Variants in PTPRJ observed in about 807,000 individuals in gnomAD.
PTPRJ encodes the protein protein tyrosine phosphatase receptor type J.
In PTPRJ, 129 loss-of-function variants were observed where a neutral mutation model predicts 141.3. That is an observed-to-expected ratio of 0.91 (90% CI 0.79 to 1.06). The LOEUF is 1.06. Among genes scored for constraint, PTPRJ ranks in the 50% least tolerant of loss-of-function variants. The pLI, the probability that PTPRJ is intolerant of heterozygous loss-of-function variation, is 0.00. For missense variants in PTPRJ, 1,601 were observed against 1,679.7 expected (o/e 0.95, Z 0.82); for synonymous variants, 610 against 640.5 (o/e 0.95, Z 0.72).
At chr11:48,101,472 T>C (rs983234642) in intron 1 of PTPRJ, among the ~76,000 whole-genome samples, 1 of 152,224 alleles carries the variant, frequency 6.6e-6, no homozygotes, top group Non-Finnish European at 1.5e-5. Context: ...TGATCTTCCT[T>C]GTGAGCCTGT....
chr11:48,167,393 C>T lies in PTPRJ; in HGVS notation c.*31C>T. 1 of 1,604,696 alleles carries T rather than the reference C, an allele frequency of 6.2e-7. No homozygotes were observed. The stretch of plus-strand genomic sequence containing the variant: ...AAGGAATAACCTTTCTGGAGTGAAC[C>T]AGACCGTCGCACCCACAGCGAAGGC... On this transcript the variant is annotated 3_prime_UTR_variant, in exon 25 of 25. Transcript: ENST00000418331.
intron 1 of PTPRJ, among the ~76,000 whole-genome samples, chr11:48,028,859 C>G (rs919063998): frequency 3.3e-5 from 5 of 152,218 alleles, no homozygotes; most frequent in African/African-American, 1.2e-4. Flanking sequence ...CTGATTCAGC[C>G]TGTAGCCCAC....
chr11:48,028,945 G>C (rs564680058), intron 1 of PTPRJ, among the ~76,000 whole-genome samples: 144 of 152,338 alleles, frequency 9.5e-4, no homozygotes, highest in Non-Finnish European at 1.7e-3. Flanking sequence ...GAAAATGAAA[G>C]ATGGTTTGGA....
At chr11:48,135,992 G>C in intron 8 of PTPRJ, 47 bp from the exon 9 acceptor site, 1 of 1,587,092 alleles carries the variant, frequency 6.3e-7, no homozygotes, top group South Asian at 1.1e-5. Flanking sequence ...GAAGCTGGGC[G>C]TCATGATAGT....
At chr11:48,040,609 C>CTTTTTTTTTTTTT (rs371103069) in intron 1 of PTPRJ, among the ~76,000 whole-genome samples, 1 of 146,042 alleles carries the variant, frequency 6.8e-6, no homozygotes, top group African/African-American at 2.7e-5. Context: ...TCTTCTTCTT[C>CTTTTTTTTTTTTT]TTCTTTTTTT....
intron 1 of PTPRJ, among the ~76,000 whole-genome samples, chr11:48,017,091 G>T (rs1205184274): frequency 6.6e-6 from 1 of 151,996 alleles, no homozygotes; most frequent in Non-Finnish European, 1.5e-5. Context: ...TGGAAACAGG[G>T]GGTTCAAAAA....
chr11:48,129,614 C>T lies in PTPRJ; in HGVS notation c.1358-845C>T, dbSNP rs1444860344. 2.6e-5 allele frequency among the ~76,000 whole-genome samples: 4 copies of T among 152,192 alleles called. No homozygotes were observed. In the East Asian group the frequency reaches 5.8e-4, roughly 22 times the overall value. On this transcript the variant is annotated intron_variant, in intron 7 of 24. Coordinates refer to ENST00000418331, the MANE Select transcript of PTPRJ (RefSeq NM_002843.4). The stretch of plus-strand genomic sequence containing the variant: ...TTGAGGAGCAGGCTTTAGGCCTCGC[C>T]CCAAGAAATGACTCCTGGACTAAGT...
In PTPRJ at chr11:48,158,780, C is replaced by T. The variant is rs1857675338; in HGVS notation, c.3439-1150C>T. ...AACAGCCTGGGCAACATAGTGAGACCCCCATCTCTACAAAAATACAAAATA... is the reference window on the plus strand; with the variant it reads ...AACAGCCTGGGCAACATAGTGAGACTCCCATCTCTACAAAAATACAAAATA... On this transcript the variant is annotated intron_variant, in intron 21 of 24. Transcript: ENST00000418331. The surrounding 1 kb of genome is among the most constrained non-coding windows in gnomAD (Gnocchi z 4.4). Among the ~76,000 whole-genome samples, 1 of 151,930 alleles carries T rather than the reference C, an allele frequency of 6.6e-6. No homozygotes were observed. The highest frequency in any genetic ancestry group is 2.1e-4 in the South Asian group (1 of 4,808).
At chr11:47,986,619 C>A (rs1854057405) in intron 1 of PTPRJ, among the ~76,000 whole-genome samples, 1 of 152,194 alleles carries the variant, frequency 6.6e-6, no homozygotes, top group African/African-American at 2.4e-5. Context: ...CGGGTTCAAG[C>A]AATTCTACTG....
intron 1 of PTPRJ, among the ~76,000 whole-genome samples, chr11:48,025,362 G>A (rs1853779113): frequency 6.6e-6 from 1 of 152,172 alleles, no homozygotes; most frequent in Non-Finnish European, 1.5e-5. Flanking sequence ...CAGGTTAAGT[G>A]ATGTCCCCTA....
chr11:48,136,289 G>A lies in PTPRJ; in HGVS notation c.1866G>A (p.Gln622=), dbSNP rs1188097652. The part of the protein sequence containing the change: ...HVWGDPNSTA[Q]YTRPSNVSNI... ...GGGGGGACCCCAACTCCACTGCACA[G>A]TACACACGTAAGTCTCTTAGGATGC... Residue 622 remains glutamine (Q), a synonymous_variant, in exon 9 of 25, where the codon CAG becomes CAA. Coordinates refer to ENST00000418331, the MANE Select transcript of PTPRJ (RefSeq NM_002843.4). The A allele has an allele frequency of 1.9e-6, 3 of 1,613,958 alleles. No individual in the cohort carries two copies. Among genetic ancestry groups the A allele is most frequent in the Non-Finnish European group, 2.5e-6 (3 of 1,179,950 alleles).
chr11:48,074,973 G>A (rs571454118), intron 1 of PTPRJ, among the ~76,000 whole-genome samples: 2 of 152,224 alleles, frequency 1.3e-5, no homozygotes, highest in South Asian at 4.2e-4. Flanking sequence ...ATGGCTGTCA[G>A]TCGTTTGGCC....
chr11:48,044,321 A>C (rs1005110778), intron 1 of PTPRJ, among the ~76,000 whole-genome samples: 5 of 152,190 alleles, frequency 3.3e-5, no homozygotes, highest in Non-Finnish European at 5.9e-5. Flanking sequence ...ATGTAACCTC[A>C]TGAGGGCCAC....
chr11:48,150,283 C>A, intron 18 of PTPRJ, 100 bp downstream of exon 18: 1 of 933,714 alleles, frequency 1.1e-6, no homozygotes, highest in Non-Finnish European at 1.7e-6. Context: ...TGAAAGAACA[C>A]TCGAGGGACT....
intron 1 of PTPRJ, among the ~76,000 whole-genome samples, chr11:48,074,025 G>A (rs536864648): frequency 1.3e-5 from 2 of 152,198 alleles, no homozygotes; most frequent in Non-Finnish European, 2.9e-5. Context: ...TGTCACCCAG[G>A]CTGGAGTGCA....
chr11:48,161,339 G>T (rs921634974), intron 22 of PTPRJ, among the ~76,000 whole-genome samples: 17 of 152,164 alleles, frequency 1.1e-4, no homozygotes, highest in Admixed American at 4.6e-4. Flanking sequence ...TAGATTCACT[G>T]GAGTTGAATC....
At chr11:48,118,879 G>A (rs1192315470) in intron 3 of PTPRJ, among the ~76,000 whole-genome samples, 1 of 152,002 alleles carries the variant, frequency 6.6e-6, no homozygotes, top group Non-Finnish European at 1.5e-5. Context: ...CATTAGCTGG[G>A]CATGATGGTG....
At chr11:48,160,168 T>A in intron 22 of PTPRJ, 119 bp downstream of exon 22, 1 of 1,412,108 alleles carries the variant, frequency 7.1e-7, no homozygotes, top group Non-Finnish European at 9.7e-7. Context: ...AATGTTTTGC[T>A]GCTTTCCTTT....
chr11:47,999,888 G>A (rs1050979823), intron 1 of PTPRJ, among the ~76,000 whole-genome samples: 3 of 109,634 alleles, frequency 2.7e-5, no homozygotes, highest in Non-Finnish European at 5.0e-5. Context: ...TCAGAGTCTC[G>A]CTCTGTCACC....
Sources: gnomAD v4.1 joint callset for allele counts (sites outside exome capture counted in the v4.1 genomes callset) on GRCh38, gnomAD v4.1.1 for gene constraint, Gnocchi (gnomAD v3.1) non-coding constraint, MANE v1.5 for transcripts, NCBI Gene and HGNC (gene_info 2026-07-23, HGNC 2026-07-21) for gene names.